The following PTPRD variants were observed in gnomAD, a reference collection of about 807,000 sequenced individuals.
The protein encoded by PTPRD is receptor-type tyrosine-protein phosphatase delta.
Under a neutral mutation model 214.5 loss-of-function variants are expected in PTPRD, and 34 were observed. That is an observed-to-expected ratio of 0.16 (90% CI 0.12 to 0.21). PTPRD has a LOEUF of 0.21. PTPRD is among the 10% of genes least tolerant of loss of function. The pLI, the probability that PTPRD is intolerant of heterozygous loss-of-function variation, is 1.00. For synonymous variants in PTPRD, 1,128 were observed against 845.7 expected (o/e 1.33, Z -5.79); for missense variants, 2,545 against 2,398.7 (o/e 1.06, Z -1.27).
At chr9:9,301,956 A>G (rs1340414040) in intron 9 of PTPRD, among the ~76,000 whole-genome samples, 2 of 151,890 alleles carry the variant, frequency 1.3e-5, no homozygotes, top group Non-Finnish European at 2.9e-5. Context: ...TTGATTTGCT[A>G]TGTTGGTTCA....
chr9:9,747,303 G>A (rs1225638803), intron 6 of PTPRD, among the ~76,000 whole-genome samples: 1 of 151,970 alleles, frequency 6.6e-6, no homozygotes, highest in Admixed American at 6.6e-5. Flanking sequence ...GCTAAAAGAG[G>A]AACCCTCCCA....
At chr9:10,416,574 AAAAC>A (rs768052464) in intron 2 of PTPRD, among the ~76,000 whole-genome samples, 7 of 151,970 alleles carry the variant, frequency 4.6e-5, no homozygotes, top group Non-Finnish European at 8.8e-5. Context: ...AGCTTATGAG[AAAAC>A]AAACAGTGAA....
At chr9:10,030,899 T>G (rs2097052759) in intron 4 of PTPRD, among the ~76,000 whole-genome samples, 2 of 152,198 alleles carry the variant, frequency 1.3e-5, no homozygotes, top group Non-Finnish European at 2.9e-5. Flanking sequence ...AAATCTTCAT[T>G]GTGTTCTGGG....
chr9:9,142,077 G>T (rs1000390219), intron 10 of PTPRD, among the ~76,000 whole-genome samples: 20 of 152,340 alleles, frequency 1.3e-4, no homozygotes, highest in Non-Finnish European at 2.8e-4. Flanking sequence ...AATTCAATGT[G>T]CCAGTCTGTT....
intron 8 of PTPRD, among the ~76,000 whole-genome samples, chr9:9,536,854 T>C (rs773163193): frequency 2.8e-4 from 42 of 152,088 alleles, no homozygotes; most frequent in African/African-American, 1.0e-3. Flanking sequence ...ATTAAAACTT[T>C]CTTGTCGCAA....
At chr9:9,181,220 G>C (rs1266104778) in intron 10 of PTPRD, among the ~76,000 whole-genome samples, 2 of 151,834 alleles carry the variant, frequency 1.3e-5, no homozygotes, top group African/African-American at 2.4e-5. Flanking sequence ...AATAATCATT[G>C]TTATTTTTAC....
At chr9:10,380,942 T>C (rs1375322444) in intron 2 of PTPRD, among the ~76,000 whole-genome samples, 1 of 152,002 alleles carries the variant, frequency 6.6e-6, no homozygotes, top group East Asian at 1.9e-4. Flanking sequence ...TTTTCACAGG[T>C]ATATTTCACA....
intron 8 of PTPRD, among the ~76,000 whole-genome samples, chr9:9,442,951 C>T (rs2088766908): frequency 6.6e-6 from 1 of 152,046 alleles, no homozygotes; most frequent in Admixed American, 6.6e-5. Flanking sequence ...ATATGTTTAT[C>T]CATATGTATG....
intron 3 of PTPRD, among the ~76,000 whole-genome samples, chr9:10,107,971 G>A (rs1037723430): frequency 6.6e-5 from 10 of 151,970 alleles, no homozygotes; most frequent in South Asian, 2.1e-4. Context: ...ATTCAGATAC[G>A]GGTGATTCTC....
At chr9:10,062,015 G>C (rs185033558) in intron 3 of PTPRD, among the ~76,000 whole-genome samples, 2 of 145,894 alleles carry the variant, frequency 1.4e-5, no homozygotes, top group Non-Finnish European at 2.9e-5. Flanking sequence ...ACGCACACTA[G>C]AATTCGAGAA....
intron 4 of PTPRD, among the ~76,000 whole-genome samples, chr9:9,968,404 T>A (rs934632812): frequency 6.6e-6 from 1 of 152,220 alleles, no homozygotes; most frequent in African/African-American, 2.4e-5. Context: ...AACAGCAAGA[T>A]ATTAAAACAT....
At chr9:10,267,425 G>C (rs1490752109) in intron 3 of PTPRD, among the ~76,000 whole-genome samples, 1 of 152,050 alleles carries the variant, frequency 6.6e-6, no homozygotes, top group Non-Finnish European at 1.5e-5. Flanking sequence ...TGTATTATTA[G>C]AGTCGTGGTT....
chr9:10,500,968 T>A (rs2043503213), intron 2 of PTPRD, among the ~76,000 whole-genome samples: 1 of 152,092 alleles, frequency 6.6e-6, no homozygotes, highest in South Asian at 2.1e-4. Context: ...CTTACAAACC[T>A]TGGCTATTGT....
chr9:9,433,659 C>G (rs2084077259), intron 8 of PTPRD, among the ~76,000 whole-genome samples: 1 of 152,102 alleles, frequency 6.6e-6, no homozygotes, highest in Non-Finnish European at 1.5e-5. Context: ...CACAATGATA[C>G]TTCACAAAAT....
At chr9:10,407,708 T>G (rs1425211990) in intron 2 of PTPRD, among the ~76,000 whole-genome samples, 1 of 151,580 alleles carries the variant, frequency 6.6e-6, no homozygotes, top group African/African-American at 2.4e-5. Context: ...TGACCTATTT[T>G]GATAATGGTG....
intron 4 of PTPRD, among the ~76,000 whole-genome samples, chr9:9,997,948 A>T (rs188411512): frequency 2.7e-4 from 41 of 151,780 alleles, no homozygotes; most frequent in African/African-American, 9.2e-4. Context: ...CACAGGCTAC[A>T]TGAATGACAC....
In PTPRD at chr9:10,428,047, G is replaced by A. The variant is rs375971947; in HGVS notation, c.-599-87030C>T. Among the ~76,000 whole-genome samples the A allele has an allele frequency of 7.2e-5, 11 of 152,024 alleles. No homozygotes were observed. The East Asian group carries it at 2.1e-3, about 29-fold the overall frequency. ...TTAAGTGTTCCTGGACGGGCACGGT[G>A]GCTCACACCTGTAATCTCAGCACTT... is the stretch of plus-strand genomic sequence containing the variant. On this transcript the variant is annotated intron_variant, in intron 2 of 45. Coordinates refer to ENST00000381196, the MANE Select transcript of PTPRD (RefSeq NM_002839.4).
intron 11 of PTPRD, among the ~76,000 whole-genome samples, chr9:8,867,755 C>G (rs1055833449): frequency 4.6e-5 from 7 of 152,152 alleles, no homozygotes; most frequent in Admixed American, 1.3e-4. Context: ...TATATTTATA[C>G]TTGTTTTTCT....
chr9:10,428,038 G>A (rs995757265), intron 2 of PTPRD, among the ~76,000 whole-genome samples: 5 of 151,994 alleles, frequency 3.3e-5, no homozygotes, highest in Non-Finnish European at 7.4e-5. Flanking sequence ...GTTCCTGGAC[G>A]GGCACGGTGG....
Sources: gnomAD v4.1 joint callset for allele counts (sites outside exome capture counted in the v4.1 genomes callset) on GRCh38, gnomAD v4.1.1 for gene constraint, MANE v1.5 for transcripts, NCBI Gene and HGNC (gene_info 2026-07-23, HGNC 2026-07-21) for gene names.